The following RFFL variants were observed in gnomAD, a reference collection of about 807,000 sequenced individuals.
RFFL encodes E3 ubiquitin-protein ligase rififylin.
Under a neutral mutation model 40.4 loss-of-function variants are expected in RFFL, and 16 were observed. That is an observed-to-expected ratio of 0.40 (90% CI 0.27 to 0.60). The LOEUF is 0.60. Among genes scored for constraint, RFFL ranks in the 20% least tolerant of loss-of-function variants. The pLI is 0.47. For synonymous variants in RFFL, 154 were observed against 167.9 expected (o/e 0.92, Z 0.64); for missense variants, 367 against 451.7 (o/e 0.81, Z 1.70).
intron 2 of RFFL, among the ~76,000 whole-genome samples, chr17:35,023,503 G>T (rs543633548): frequency 1.2e-4 from 18 of 152,360 alleles, no homozygotes; most frequent in African/African-American, 4.1e-4. Context: ...CACTAGCATT[G>T]TAACGGTTCT....
chr17:35,033,134 T>G (rs1447357263), intron 1 of RFFL, among the ~76,000 whole-genome samples: 1 of 151,994 alleles, frequency 6.6e-6, no homozygotes, highest in Non-Finnish European at 1.5e-5. Flanking sequence ...AATGCAGACA[T>G]ATTCACAAAC....
intron 1 of RFFL, among the ~76,000 whole-genome samples, chr17:35,076,074 A>C (rs545823512): frequency 6.9e-6 from 1 of 144,788 alleles, no homozygotes; most frequent in Admixed American, 7.1e-5. Flanking sequence ...GCTCACTGCA[A>C]TCTCCACCTC....
intron 1 of RFFL, among the ~76,000 whole-genome samples, chr17:35,037,740 T>C (rs2091132813): frequency 6.6e-6 from 1 of 152,208 alleles, no homozygotes; most frequent in African/African-American, 2.4e-5. Flanking sequence ...CCCTGAAGCG[T>C]ACCCTCTTGA....
At chr17:35,056,323 GTACTCCA>G (rs1181104381) in intron 1 of RFFL, among the ~76,000 whole-genome samples, 2 of 148,172 alleles carry the variant, frequency 1.3e-5, no homozygotes, top group Non-Finnish European at 3.0e-5. Flanking sequence ...CTAGGGTTCT[GTACTCCA>G]TACTCTTCCT....
chr17:35,028,705 G>A (rs1402989914), intron 1 of RFFL, among the ~76,000 whole-genome samples: 1 of 152,064 alleles, frequency 6.6e-6, no homozygotes, highest in Non-Finnish European at 1.5e-5. Context: ...TCATAAGCTA[G>A]AAGGAACTAA....
rs2090937055 is a variant in RFFL, at chr17:35,011,392, G to A, written c.*576C>T. The A allele has an allele frequency of 2.6e-5, 4 of 152,312 alleles. No homozygotes were observed. The South Asian group carries it at 8.3e-4, about 32-fold the overall frequency. The allele number at this position is 152,312 out of a possible 1,614,324, so 9.4% of individuals were successfully genotyped here. ...GTATTTCATTTCTCACCAAAGATAA[G>A]TTTACTGGTCTAAAATCTGTCCTAA... On this transcript the variant is annotated 3_prime_UTR_variant, in exon 7 of 7. Coordinates refer to ENST00000394597, the MANE Select transcript of RFFL (RefSeq NM_001017368.2).
intron 6 of RFFL, among the ~76,000 whole-genome samples, chr17:35,014,129 C>CA (rs986581523): frequency 1.5e-4 from 23 of 152,136 alleles, no homozygotes; most frequent in Admixed American, 1.2e-3. Context: ...AGAATGTCCC[C>CA]ACAGATGGTC....
At chr17:35,014,420 A>G (rs1299935755) in intron 6 of RFFL, among the ~76,000 whole-genome samples, 3 of 152,168 alleles carry the variant, frequency 2.0e-5, no homozygotes, top group Non-Finnish European at 2.9e-5. Flanking sequence ...CAAGATTTTA[A>G]AAAATGAGCT....
At position 35,011,910 on chromosome 17, in the gene RFFL, G is replaced by A. The variant is rs1435401862; in HGVS notation, c.*58C>T. 7 of 1,554,400 alleles carry A rather than the reference G, an allele frequency of 4.5e-6. No individual in the cohort carries two copies. Among genetic ancestry groups the A allele is most frequent in the East Asian group, 2.2e-5 (1 of 44,462 alleles). On this transcript the variant is annotated 3_prime_UTR_variant, in exon 7 of 7. Coordinates refer to ENST00000394597, the MANE Select transcript of RFFL (RefSeq NM_001017368.2). ...GCTCCTCTGCAAGCTGGCCAACCCT[G>A]AGCCCAGACACCCCAGGCTATTTCC...
rs2091010514 is a variant in RFFL at position 35,021,747 on chromosome 17, A to G, written c.215T>C (p.Met72Thr). Residue 72 changes from methionine to threonine, a missense_variant, in exon 3 of 7, where the codon ATG (methionine) becomes ACG (threonine). Met to Thr is a moderately conservative substitution (Grantham distance 81, BLOSUM62 -1). Transcript: ENST00000394597. ...TCLDCKKNFC[M>T]TCSSQVGNGP... Reference sequence around the variant, plus strand: ...ATTCCCTACTTGGCTCGAACAGGTCATGCAAAAATTTTTCTTACAGTCCAA... The same window carrying G: ...ATTCCCTACTTGGCTCGAACAGGTCGTGCAAAAATTTTTCTTACAGTCCAA... The G allele has an allele frequency of 6.2e-7, 1 of 1,614,232 alleles. No individual in the cohort carries two copies. Among genetic ancestry groups the G allele is most frequent in the African/African-American group, 1.3e-5 (1 of 75,066 alleles).
rs1374427057 is a variant in RFFL at position 35,021,624 on chromosome 17, A to C, written c.338T>G (p.Leu113Arg). The stretch of plus-strand genomic sequence containing the variant: ...TTCGGTAGAGATGTCATGGAGGCTG[A>C]GATAGTCCCTCAAGTCCTTCACCTT... ...KMKVKDLRDY[L>R]SLHDISTEMC... Residue 113 changes from leucine (L) to arginine (R), a missense_variant, in exon 3 of 7, where the codon CTC becomes CGC. Transcript: ENST00000394597. 2.5e-6 allele frequency: 4 copies of C among 1,614,112 alleles called. No homozygotes were observed. The highest frequency in any genetic ancestry group is 2.5e-6 in the Non-Finnish European group (3 of 1,180,052).
upstream of RFFL, among the ~76,000 whole-genome samples, chr17:35,065,669 T>G (rs568125747): frequency 1.3e-5 from 2 of 152,032 alleles, no homozygotes; most frequent in South Asian, 4.2e-4. Flanking sequence ...AACTCCTAAG[T>G]TGACTAAGAG....
chr17:35,038,565 GA>G (rs746866868), intron 1 of RFFL, among the ~76,000 whole-genome samples: 7 of 152,178 alleles, frequency 4.6e-5, no homozygotes, highest in Non-Finnish European at 1.0e-4. Context: ...GTAGAATTAT[GA>G]TATGTTCACA....
chr17:35,064,392 C>A (rs895113992), upstream of RFFL, among the ~76,000 whole-genome samples: 8 of 152,010 alleles, frequency 5.3e-5, no homozygotes, highest in Non-Finnish European at 1.0e-4. Flanking sequence ...ATGAAAATCA[C>A]CTTAACACTT....
At position 35,016,546 on chromosome 17, in the gene RFFL, C is replaced by T. The variant is rs756154458; in HGVS notation, c.710G>A (p.Arg237Gln). 10 of 1,614,006 alleles carry T rather than the reference C, an allele frequency of 6.2e-6. No homozygotes were observed. Among genetic ancestry groups the T allele is most frequent in the East Asian group, 4.5e-5 (2 of 44,884 alleles). The change falls in exon 5 of 7, where the codon CGA becomes CAA. Residue 237 changes from arginine (R) to glutamine (Q), a missense_variant. Physicochemically the swap from Arg to Gln is conservative, Grantham distance 43. Transcript: ENST00000394597. Reference sequence around the variant, plus strand: ...AGTCAGGTCAGACAGAGAGGCCCTTCGGCCTGGGACAAAGCTGTCCTCTGA... The same window carrying T: ...AGTCAGGTCAGACAGAGAGGCCCTTTGGCCTGGGACAAAGCTGTCCTCTGA... Reference protein sequence around the residue: ...IDSEDSFVPGRRASLSDLTDL... With the variant: ...IDSEDSFVPGQRASLSDLTDL...
At chr17:35,026,258 G>A in intron 2 of RFFL, 116 bp downstream of exon 2, 1 of 1,015,944 alleles carries the variant, frequency 9.8e-7, no homozygotes. Context: ...GGACAGCTCT[G>A]GGTCACCAGC....
intron 1 of RFFL, among the ~76,000 whole-genome samples, chr17:35,077,583 C>T (rs1179033618): frequency 6.6e-6 from 1 of 152,208 alleles, no homozygotes; most frequent in East Asian, 1.9e-4. Flanking sequence ...ACAAACTTTT[C>T]ACACTATGAA....
chr17:35,017,362 G>A (rs1266463679), intron 4 of RFFL, among the ~76,000 whole-genome samples, 161 bp downstream of exon 4: 2 of 152,148 alleles, frequency 1.3e-5, no homozygotes, highest in Non-Finnish European at 2.9e-5. Flanking sequence ...CGCTTCACTA[G>A]TTAACCTGGA....
intron 6 of RFFL, 98 bp downstream of exon 6, chr17:35,014,642 A>C: frequency 8.4e-7 from 1 of 1,196,470 alleles, no homozygotes; most frequent in African/African-American, 1.5e-5. Context: ...CTGGGGGCTC[A>C]AATGCTCAGA....
Sources: allele counts gnomAD v4.1 joint callset (sites outside exome capture counted in the v4.1 genomes callset), GRCh38; gene constraint gnomAD v4.1.1; transcripts MANE v1.5; gene names NCBI Gene and HGNC (gene_info 2026-07-23, HGNC 2026-07-21).